Variants in NCAM1 observed in about 807,000 individuals in gnomAD.
NCAM1 encodes neural cell adhesion molecule 1.
NCAM1 carries 14 observed loss-of-function variants against 109.8 expected under a neutral mutation model. That is an observed-to-expected ratio of 0.13 (90% CI 0.08 to 0.20). The LOEUF (loss-of-function observed/expected upper bound fraction) is 0.20, where lower values mean the gene tolerates loss of function less well. Among genes scored for constraint, NCAM1 ranks in the 10% least tolerant of loss-of-function variants. The pLI, the probability that NCAM1 is intolerant of heterozygous loss-of-function variation, is 1.00. For missense variants in NCAM1, 774 were observed against 1,109.9 expected (o/e 0.70, Z 4.30); for synonymous variants, 418 against 442.9 (o/e 0.94, Z 0.70).
chr11:113,092,230 A>C (rs1198474226), intron 1 of NCAM1, among the ~76,000 whole-genome samples: 4 of 152,092 alleles, frequency 2.6e-5, no homozygotes, highest in African/African-American at 7.2e-5. Context: ...TGTGCCTATG[A>C]ATTAGGGTCT....
chr11:113,038,979 A>G (rs1341210165), intron 1 of NCAM1, among the ~76,000 whole-genome samples: 1 of 152,156 alleles, frequency 6.6e-6, no homozygotes, highest in Non-Finnish European at 1.5e-5. Context: ...AGGGCTGCAG[A>G]CTTCTCTTCA....
At chr11:113,127,031 TATATTCCAAC>T (rs1293790238) in intron 1 of NCAM1, among the ~76,000 whole-genome samples, 1 of 152,240 alleles carries the variant, frequency 6.6e-6, no homozygotes, top group African/African-American at 2.4e-5. Flanking sequence ...AGTGGCAGCC[TATATTCCAAC>T]ATGGAACTCA....
intron 1 of NCAM1, among the ~76,000 whole-genome samples, chr11:113,125,693 T>G (rs1424271574): frequency 6.6e-6 from 1 of 152,202 alleles, no homozygotes; most frequent in Non-Finnish European, 1.5e-5. Context: ...AGGTTGGACG[T>G]GAGGGCAGAC....
chr11:112,983,127 C>T (rs1951197395), intron 1 of NCAM1, among the ~76,000 whole-genome samples: 3 of 151,938 alleles, frequency 2.0e-5, no homozygotes, highest in Admixed American at 1.3e-4. Flanking sequence ...CACAGAGCTG[C>T]CCTTTTTATA....
chr11:112,982,413 G>A (rs1469128527), intron 1 of NCAM1, among the ~76,000 whole-genome samples: 1 of 151,968 alleles, frequency 6.6e-6, no homozygotes, highest in Non-Finnish European at 1.5e-5. Flanking sequence ...GGGAAGTAAG[G>A]AGGTCATTGG....
chr11:112,972,894 A>G (rs2186709), intron 1 of NCAM1, among the ~76,000 whole-genome samples: 81,335 of 151,794 alleles, frequency 0.54, 22,636 homozygotes, highest in Middle Eastern at 0.64. Flanking sequence ...CGGCCTCATC[A>G]TGAAGCTTCC....
intron 8 of NCAM1, among the ~76,000 whole-genome samples, chr11:113,220,864 C>T (rs1944673209): frequency 6.6e-6 from 1 of 152,026 alleles, no homozygotes; most frequent in Non-Finnish European, 1.5e-5. Context: ...CTGCCTCGGC[C>T]TCCCAAAGTG....
intron 1 of NCAM1, among the ~76,000 whole-genome samples, chr11:113,068,558 G>T (rs565610279): frequency 6.6e-6 from 1 of 152,280 alleles, no homozygotes; most frequent in South Asian, 2.1e-4. Context: ...AATCATATAG[G>T]TTGTTCATTT....
At chr11:113,236,313 C>A in intron 14 of NCAM1, 2 of 1,613,594 alleles carry the variant, frequency 1.2e-6, no homozygotes, top group African/African-American at 2.7e-5. Context: ...AGCCCTCCTC[C>A]ACGTAAGTGC....
intron 1 of NCAM1, among the ~76,000 whole-genome samples, chr11:113,042,044 G>A (rs190440824): frequency 1.3e-5 from 2 of 152,006 alleles, no homozygotes; most frequent in Non-Finnish European, 1.5e-5. Context: ...TGTCACTCCC[G>A]CCTCCCTCCT....
intron 1 of NCAM1, among the ~76,000 whole-genome samples, chr11:113,163,728 T>C (rs1942681866): frequency 6.6e-6 from 1 of 152,142 alleles, no homozygotes; most frequent in Admixed American, 6.5e-5. Flanking sequence ...AGAAAAGTTT[T>C]GCTCAGACCT....
chr11:113,212,247 C>T (rs1471470582), intron 7 of NCAM1, among the ~76,000 whole-genome samples: 1 of 152,216 alleles, frequency 6.6e-6, no homozygotes, highest in Non-Finnish European at 1.5e-5. Flanking sequence ...TCTGACCGTA[C>T]TGCTTCTAGA....
intron 1 of NCAM1, among the ~76,000 whole-genome samples, chr11:112,988,191 C>T (rs551262581): frequency 1.6e-4 from 24 of 152,230 alleles, no homozygotes; most frequent in African/African-American, 5.5e-4. Flanking sequence ...ACCTCCCAGC[C>T]TTATTTTACG....
At chr11:113,025,780 A>T (rs1952523353) in intron 1 of NCAM1, among the ~76,000 whole-genome samples, 1 of 22,828 alleles carries the variant, frequency 4.4e-5, no homozygotes, top group Non-Finnish European at 7.8e-5. Flanking sequence ...CAGGGAGCCG[A>T]GAGAGAGAGA....
At chr11:113,172,315 C>CATTT (rs1943020308) in intron 1 of NCAM1, among the ~76,000 whole-genome samples, 1 of 152,196 alleles carries the variant, frequency 6.6e-6, no homozygotes, top group South Asian at 2.1e-4. Context: ...CCATCAAAAC[C>CATTT]ATTTTGTCTC....
chr11:113,132,354 TAACTAGGAA>T (rs570853903), intron 1 of NCAM1, among the ~76,000 whole-genome samples: 1 of 152,306 alleles, frequency 6.6e-6, no homozygotes, highest in Admixed American at 6.5e-5. Context: ...TTTGCCTCTT[TAACTAGGAA>T]AAGATGAAAC....
chr11:113,136,047 G>T (rs965912710), intron 1 of NCAM1, among the ~76,000 whole-genome samples: 1 of 152,142 alleles, frequency 6.6e-6, no homozygotes, highest in Non-Finnish European at 1.5e-5. Flanking sequence ...ACTGGGCGTG[G>T]TGACATGTGC....
At chr11:113,019,075 G>A (rs573416497) in intron 1 of NCAM1, among the ~76,000 whole-genome samples, 1 of 152,208 alleles carries the variant, frequency 6.6e-6, no homozygotes, top group East Asian at 1.9e-4. Flanking sequence ...AAGTGTGATA[G>A]TGATACTCGG....
At chr11:113,210,989 C>T (rs1398072504) in intron 7 of NCAM1, among the ~76,000 whole-genome samples, 6 of 152,158 alleles carry the variant, frequency 3.9e-5, no homozygotes, top group Non-Finnish European at 4.4e-5. Flanking sequence ...GTCTGCGGAG[C>T]GTTCATGCAG....
Sources: allele counts gnomAD v4.1 joint callset (sites outside exome capture counted in the v4.1 genomes callset), GRCh38; gene constraint gnomAD v4.1.1; transcripts MANE v1.5; gene names NCBI Gene and HGNC (gene_info 2026-07-23, HGNC 2026-07-21).